Variants in CNTNAP3B observed in about 807,000 individuals in gnomAD.
CNTNAP3B encodes contactin-associated protein-like 3B.
CNTNAP3B carries 25 observed loss-of-function variants against 108.9 expected under a neutral mutation model. That is an observed-to-expected ratio of 0.23 (90% CI 0.17 to 0.32). CNTNAP3B has a LOEUF of 0.32. Among genes scored for constraint, CNTNAP3B ranks in the 10% least tolerant of loss-of-function variants. CNTNAP3B has a pLI of 1.00. For synonymous variants in CNTNAP3B, 103 were observed against 473.4 expected (o/e 0.22, Z 10.16); for missense variants, 252 against 1,210.4 (o/e 0.21, Z 11.75).
At chr9:41,995,487 T>G (rs565206058) in intron 7 of CNTNAP3B, among the ~76,000 whole-genome samples, 1,986 of 132,302 alleles carry the variant, frequency 0.015, 339 homozygotes, top group African/African-American at 0.037. Flanking sequence ...TGTGGTCCTA[T>G]CACTTTGGGA....
rs1827837929 is a variant in CNTNAP3B at position 42,093,277 on chromosome 9, G to A, written c.196+11352C>T. ...GGAGAATAGCTTGAACCCAGGAAGC[G>A]GAGGTTGCAGTCAGCCGAGATCACG... On this transcript the variant is annotated intron_variant, in intron 2 of 23. Coordinates refer to ENST00000377561, the MANE Select transcript of CNTNAP3B (RefSeq NM_001201380.3). 4.2e-5 allele frequency among the ~76,000 whole-genome samples: 4 copies of A among 94,978 alleles called. 1 individual carries two copies. Among genetic ancestry groups the A allele is most frequent in the African/African-American group, 3.9e-5 (1 of 25,376 alleles). The allele number at this position is 94,978 out of a possible 152,430, so 62.3% of individuals were successfully genotyped here. A position where few individuals can be genotyped will look rare whatever the true frequency, so the allele number is the denominator to read the frequency against.
At chr9:41,926,922 C>G (rs1460781238) in intron 15 of CNTNAP3B, 1 of 152,314 alleles carries the variant, frequency 6.6e-6, no homozygotes, top group African/African-American at 2.4e-5. Context: ...GTACAGAGTA[C>G]CTAGAAACCA....
At position 42,097,200 on chromosome 9, in the gene CNTNAP3B, C is replaced by T. The variant is rs1237956781; in HGVS notation, c.196+7429G>A. On this transcript the variant is annotated intron_variant, in intron 2 of 23. Transcript: ENST00000377561. ...ATTCCAGAAAATATTAGATTATCCC[C>T]GTTTTGTTTGAAAACTGACGGAAAA... Among the ~76,000 whole-genome samples, 12 of 140,246 alleles carry T rather than the reference C, an allele frequency of 8.6e-5. 2 individuals carry two copies. The South Asian group carries it at 1.6e-3, about 19-fold the overall frequency. The allele number at this position is 140,246 out of a possible 152,430, so 92.0% of individuals were successfully genotyped here.
At chr9:41,964,280 T>C (rs1229225214) in intron 11 of CNTNAP3B, among the ~76,000 whole-genome samples, 5 of 152,048 alleles carry the variant, frequency 3.3e-5, no homozygotes, top group African/African-American at 4.8e-5. Flanking sequence ...TTTTACTATA[T>C]CTGATTCTCC....
chr9:41,948,041 A>T (rs567952379), intron 13 of CNTNAP3B, among the ~76,000 whole-genome samples: 1 of 149,372 alleles, frequency 6.7e-6, no homozygotes, highest in South Asian at 2.1e-4. Context: ...ACTGAAAAAA[A>T]ATCTCTTGGC....
intron 13 of CNTNAP3B, among the ~76,000 whole-genome samples, chr9:41,939,636 G>C (rs1339691423): frequency 6.6e-6 from 1 of 152,134 alleles, no homozygotes; most frequent in Non-Finnish European, 1.5e-5. Flanking sequence ...CACTCTTCTC[G>C]GAATGCCACT....
intron 13 of CNTNAP3B, among the ~76,000 whole-genome samples, chr9:41,943,582 G>C (rs1309810202): frequency 2.6e-5 from 4 of 151,430 alleles, no homozygotes; most frequent in African/African-American, 9.7e-5. Context: ...TGGATCTCCT[G>C]AACTTGTGAT....
intron 17 of CNTNAP3B, among the ~76,000 whole-genome samples, chr9:41,921,423 A>G (rs1255706860): frequency 6.6e-6 from 1 of 151,390 alleles, no homozygotes; most frequent in Non-Finnish European, 1.5e-5. Flanking sequence ...CCACATCCAC[A>G]TACATACGTG....
chr9:41,993,903 T>G (rs1183067988), intron 7 of CNTNAP3B: 1 of 139,474 alleles, frequency 7.2e-6, no homozygotes, highest in Non-Finnish European at 1.6e-5. Context: ...TTTGTTTTTG[T>G]GTGAAACTTA....
intron 15 of CNTNAP3B, among the ~76,000 whole-genome samples, chr9:41,926,350 T>C (rs1823818908): frequency 6.6e-6 from 1 of 152,270 alleles, no homozygotes; most frequent in Non-Finnish European, 1.5e-5. Context: ...TCAATAAGTG[T>C]TATGTTAAAG....
chr9:41,964,686 C>A, intron 10 of CNTNAP3B, 42 bp from the exon 11 acceptor site: 2 of 1,532,738 alleles, frequency 1.3e-6, no homozygotes, highest in East Asian at 2.4e-5. Flanking sequence ...CTTTTTCAAT[C>A]ATCAAAAAAT....
At chr9:41,917,934 G>A (rs1406616666) in intron 18 of CNTNAP3B, among the ~76,000 whole-genome samples, 1 of 152,414 alleles carries the variant, frequency 6.6e-6, no homozygotes, top group African/African-American at 2.4e-5. Context: ...CAGGGAGAGG[G>A]TCTTGGCTTA....
At chr9:41,955,838 G>A (rs1252552053) in intron 12 of CNTNAP3B, among the ~76,000 whole-genome samples, 1 of 152,274 alleles carries the variant, frequency 6.6e-6, no homozygotes, top group East Asian at 1.9e-4. Flanking sequence ...ATTTTGATTG[G>A]AATTAACAGT....
At chr9:42,066,504 ACAACCT>A (rs1827268025) in intron 3 of CNTNAP3B, among the ~76,000 whole-genome samples, 2 of 108,766 alleles carry the variant, frequency 1.8e-5, no homozygotes, top group South Asian at 6.2e-4. Flanking sequence ...TCGGCTCACC[ACAACCT>A]CTGCCTCCCG....
chr9:41,959,707 G>C (rs1319716229), intron 12 of CNTNAP3B, among the ~76,000 whole-genome samples: 3 of 152,310 alleles, frequency 2.0e-5, no homozygotes, highest in Admixed American at 6.5e-5. Flanking sequence ...CCCCTGTAAA[G>C]TTTTACTATT....
intron 3 of CNTNAP3B, among the ~76,000 whole-genome samples, chr9:42,055,291 G>GTA (rs200799498): frequency 0.39 from 47,727 of 120,910 alleles, 11,399 homozygotes; most frequent in East Asian, 0.61. Flanking sequence ...ATTTACATGA[G>GTA]TATATATATA....
chr9:41,963,033 C>T (rs1825153500), intron 11 of CNTNAP3B, among the ~76,000 whole-genome samples: 1 of 152,226 alleles, frequency 6.6e-6, no homozygotes, highest in Non-Finnish European at 1.5e-5. Flanking sequence ...GTACAAAAAT[C>T]ATACTTCATG....
chr9:42,126,551 C>T (rs1317302912), intron 1 of CNTNAP3B, among the ~76,000 whole-genome samples: 1 of 137,318 alleles, frequency 7.3e-6, no homozygotes, highest in Non-Finnish European at 1.6e-5. Flanking sequence ...CCCCAAAATG[C>T]CAAATGTTTA....
chr9:42,066,134 A>G lies in CNTNAP3B; in HGVS notation c.390+10735T>C, dbSNP rs1183968604. On this transcript the variant is annotated intron_variant, in intron 3 of 23. Coordinates refer to ENST00000377561, the MANE Select transcript of CNTNAP3B (RefSeq NM_001201380.3). ...ATTACATCATTTTATTATGGGTTAAATTAGAGAGGATTAACATCTTTACAT... is the reference window on the plus strand; with the variant it reads ...ATTACATCATTTTATTATGGGTTAAGTTAGAGAGGATTAACATCTTTACAT... Among the ~76,000 whole-genome samples the G allele has an allele frequency of 2.2e-5, 3 of 136,646 alleles. 1 individual carries two copies. The highest frequency in any genetic ancestry group is 4.7e-5 in the Non-Finnish European group (3 of 64,240). The allele number at this position is 136,646 out of a possible 152,430, so 89.6% of individuals were successfully genotyped here.
Sources: allele counts gnomAD v4.1 joint callset (sites outside exome capture counted in the v4.1 genomes callset), GRCh38; gene constraint gnomAD v4.1.1; transcripts MANE v1.5; gene names NCBI Gene and HGNC (gene_info 2026-07-23, HGNC 2026-07-21).